The following MEI4 variants were observed in gnomAD, a reference collection of about 807,000 sequenced individuals.
MEI4 encodes the protein meiosis-specific protein MEI4.
Under a neutral mutation model 31.4 loss-of-function variants are expected in MEI4, and 27 were observed. The observed-to-expected ratio is 0.86, with a 90% CI of 0.63 to 1.19. The LOEUF is 1.19. Among genes scored for constraint, MEI4 ranks in the 50% most tolerant of loss-of-function variants. The pLI is 0.00. For missense variants in MEI4, 329 were observed against 398.9 expected (o/e 0.82, Z 1.49); for synonymous variants, 122 against 145.4 (o/e 0.84, Z 1.16).
intron 2 of MEI4, among the ~76,000 whole-genome samples, chr6:77,715,527 A>G (rs1766559429): frequency 6.6e-6 from 1 of 152,172 alleles, no homozygotes; most frequent in South Asian, 2.1e-4. Context: ...ATGATTGACC[A>G]GTGAGCTTTT....
At chr6:77,708,535 G>C (rs1352016829) in intron 2 of MEI4, among the ~76,000 whole-genome samples, 1 of 152,136 alleles carries the variant, frequency 6.6e-6, no homozygotes, top group Non-Finnish European at 1.5e-5. Context: ...TGGAATGAAA[G>C]GACATGAAAT....
intron 3 of MEI4, among the ~76,000 whole-genome samples, chr6:77,787,908 G>T (rs1469207367): frequency 3.9e-5 from 6 of 152,140 alleles, no homozygotes; most frequent in Non-Finnish European, 8.8e-5. Context: ...GATTTGGTTT[G>T]CCAATATTGA....
At chr6:77,862,965 G>C (rs1770906303) in intron 4 of MEI4, among the ~76,000 whole-genome samples, 1 of 152,098 alleles carries the variant, frequency 6.6e-6, no homozygotes, top group Non-Finnish European at 1.5e-5. Flanking sequence ...AGGCAAACAG[G>C]GTCTGGAGTG....
At chr6:77,757,283 G>T (rs1228266418) in intron 2 of MEI4, among the ~76,000 whole-genome samples, 1 of 152,176 alleles carries the variant, frequency 6.6e-6, no homozygotes, top group Non-Finnish European at 1.5e-5. Flanking sequence ...GAGCCATATT[G>T]TGTAAAATCC....
At chr6:77,700,920 T>A (rs1290800085) in intron 2 of MEI4, among the ~76,000 whole-genome samples, 2 of 152,188 alleles carry the variant, frequency 1.3e-5, no homozygotes, top group African/African-American at 4.8e-5. Flanking sequence ...AAATGCGCTT[T>A]ACTAATTTAT....
intron 4 of MEI4, among the ~76,000 whole-genome samples, chr6:77,914,423 T>C (rs1362178407): frequency 1.3e-5 from 2 of 152,248 alleles, no homozygotes; most frequent in South Asian, 2.1e-4. Context: ...TTTTTACTGA[T>C]TTTATATTTT....
chr6:77,780,121 A>G (rs1291221353), intron 3 of MEI4, among the ~76,000 whole-genome samples: 1 of 152,170 alleles, frequency 6.6e-6, no homozygotes, highest in Non-Finnish European at 1.5e-5. Flanking sequence ...GGTGGGAAAA[A>G]TTATAAAGTT....
chr6:77,839,418 C>G (rs1770303331), intron 4 of MEI4, among the ~76,000 whole-genome samples: 1 of 152,096 alleles, frequency 6.6e-6, no homozygotes, highest in Non-Finnish European at 1.5e-5. Context: ...CTCTGGACAA[C>G]TCTCTGGAGT....
Position 77,690,889 on chromosome 6 carries a change from G to A in MEI4, c.218G>A (p.Gly73Glu). The A allele has an allele frequency of 1.6e-6, 2 of 1,230,672 alleles. No individual in the cohort carries two copies. The highest frequency in any genetic ancestry group is 2.0e-6 in the Non-Finnish European group (2 of 986,760). 76.2% of individuals were successfully genotyped at this position (1,230,672 alleles called of 1,614,324 possible). ...QKLLVSRLCS[G>E]SFKSGYVSSQ... ...CTTCTTGTGAGCAGGCTTTGTTCAG[G>A]ATCCTTTAAGAGTGGTGAGTATATA... is the stretch of plus-strand genomic sequence containing the variant. Residue 73 changes from glycine to glutamate, a missense_variant, in exon 2 of 5, where the codon GGA (glycine) becomes GAA (glutamate). Gly to Glu is a moderately conservative substitution (Grantham distance 98). Coordinates refer to ENST00000684080, the MANE Select transcript of MEI4 (RefSeq NM_001322247.2).
intron 2 of MEI4, among the ~76,000 whole-genome samples, chr6:77,759,266 C>T (rs1399372526): frequency 6.6e-6 from 1 of 152,080 alleles, no homozygotes; most frequent in Non-Finnish European, 1.5e-5. Flanking sequence ...ATGTCTCTAT[C>T]CAGCCTTCAA....
At chr6:77,666,857 CTGTGTGTG>C (rs754710415) in intron 1 of MEI4, among the ~76,000 whole-genome samples, 2 of 148,228 alleles carry the variant, frequency 1.3e-5, no homozygotes, top group African/African-American at 5.0e-5. Context: ...CTACATGCCT[CTGTGTGTG>C]TGTGTGTGTG....
chr6:77,740,217 T>G (rs1300945001), intron 2 of MEI4, among the ~76,000 whole-genome samples: 1 of 152,198 alleles, frequency 6.6e-6, no homozygotes, highest in African/African-American at 2.4e-5. Flanking sequence ...TTTTTATGTT[T>G]GATTATGTGA....
rs539503668 is a variant in MEI4, at chr6:77,858,075, A to G, written c.900+29013A>G. On this transcript the variant is annotated intron_variant, in intron 4 of 4. Transcript: ENST00000684080. ...TATTCAGGTATAAGTTTTATCTGTC[A>G]TATCTACAATGAATGAAGTCTTCCA... 1.4e-4 allele frequency among the ~76,000 whole-genome samples: 21 copies of G among 152,326 alleles called. No individual in the cohort carries two copies. The South Asian group carries it at 4.1e-3, about 30-fold the overall frequency.
At chr6:77,827,316 C>A (rs1769978114) in intron 3 of MEI4, among the ~76,000 whole-genome samples, 2 of 147,750 alleles carry the variant, frequency 1.4e-5, no homozygotes, top group Non-Finnish European at 3.0e-5. Flanking sequence ...AGTGGAGATC[C>A]CGCCACTGCA....
intron 2 of MEI4, among the ~76,000 whole-genome samples, chr6:77,728,419 T>G (rs1766884110): frequency 6.6e-6 from 1 of 152,228 alleles, no homozygotes; most frequent in Non-Finnish European, 1.5e-5. Flanking sequence ...GCATGTTCAT[T>G]TGTTCATTGA....
At chr6:77,745,409 A>C (rs1199808032) in intron 2 of MEI4, among the ~76,000 whole-genome samples, 1 of 152,246 alleles carries the variant, frequency 6.6e-6, no homozygotes, top group Non-Finnish European at 1.5e-5. Flanking sequence ...CAATTCAACA[A>C]AAAGAGCTAA....
At chr6:77,705,770 T>C (rs1766317107) in intron 2 of MEI4, among the ~76,000 whole-genome samples, 1 of 152,226 alleles carries the variant, frequency 6.6e-6, no homozygotes, top group African/African-American at 2.4e-5. Flanking sequence ...GAATTTCCTG[T>C]TACAAAAACA....
chr6:77,799,609 G>T (rs1049142268), intron 3 of MEI4, among the ~76,000 whole-genome samples: 28 of 152,198 alleles, frequency 1.8e-4, no homozygotes, highest in African/African-American at 6.0e-4. Flanking sequence ...TTTTCTTCTA[G>T]GATTTTTATG....
Position 77,820,237 on chromosome 6 carries a change from G to T in MEI4, c.769-8694G>T, listed in dbSNP as rs550993642. Among the ~76,000 whole-genome samples, 5 of 151,824 alleles carry T rather than the reference G, an allele frequency of 3.3e-5. No individual in the cohort carries two copies. Among genetic ancestry groups the T allele is most frequent in the South Asian group, 4.2e-4 (2 of 4,812 alleles). ...CAAACACAAAGAGACTCCTGGGACT[G>T]GTTTTTTTTTGTTTTTGTTTTTGTT... On this transcript the variant is annotated intron_variant, in intron 3 of 4. Coordinates refer to ENST00000684080, the MANE Select transcript of MEI4 (RefSeq NM_001322247.2). The surrounding 1 kb of genome is among the most constrained non-coding windows in gnomAD (Gnocchi z 4.5).
Sources: allele counts gnomAD v4.1 joint callset (sites outside exome capture counted in the v4.1 genomes callset), GRCh38; gene constraint gnomAD v4.1.1; non-coding constraint Gnocchi (gnomAD v3.1); transcripts MANE v1.5; gene names NCBI Gene and HGNC (gene_info 2026-07-23, HGNC 2026-07-21).